NDFIP2: variants seen among roughly 807,000 people sequenced by gnomAD.
The protein encoded by NDFIP2 is Nedd4 family interacting protein 2, also known as NEDD4 family-interacting protein 2.
Under a neutral mutation model 36.0 loss-of-function variants are expected in NDFIP2, and 19 were observed. That is an observed-to-expected ratio of 0.53 (90% confidence interval 0.37 to 0.77). The LOEUF (loss-of-function observed/expected upper bound fraction) is 0.77. NDFIP2 is among the 30% of genes least tolerant of loss of function. NDFIP2 has a pLI of 0.00. For synonymous variants in NDFIP2, 181 were observed against 167.7 expected (o/e 1.08, Z -0.61); for missense variants, 446 against 435.8 (o/e 1.02, Z -0.21).
chr13:79,489,178 T>C (rs1566653199), intron 1 of NDFIP2, among the ~76,000 whole-genome samples: 2 of 152,180 alleles, frequency 1.3e-5, no homozygotes, highest in African/African-American at 2.4e-5. Context: ...CTCCACATAG[T>C]GTTAGCTAGG....
intron 1 of NDFIP2, among the ~76,000 whole-genome samples, chr13:79,482,865 AAGCG>A (rs2079823521): frequency 1.3e-5 from 2 of 152,206 alleles, no homozygotes; most frequent in Non-Finnish European, 2.9e-5. Flanking sequence ...CCAGTATGGA[AAGCG>A]TTTTTCAAGT....
chr13:79,545,340 A>T (rs938783748), intron 5 of NDFIP2, among the ~76,000 whole-genome samples: 9 of 152,194 alleles, frequency 5.9e-5, no homozygotes, highest in African/African-American at 2.2e-4. Context: ...TTGAGAAGGG[A>T]TTAGATTATC....
rs1875545116 is a variant in NDFIP2, at chr13:79,543,628, T to C, written c.786T>C (p.Tyr262=). 6.2e-7 allele frequency: 1 copy of C among 1,614,070 alleles called. No individual in the cohort carries two copies. Among genetic ancestry groups the C allele is most frequent in the South Asian group, 1.1e-5 (1 of 91,078 alleles). ...TCACCAATACCATAGCTGGAAGGTA[T>C]GGTGCTATCTGCGGATTTGGCCTTT... The part of the protein sequence containing the change: ...FCITNTIAGR[Y]GAICGFGLSL... Residue 262 remains tyrosine, a synonymous_variant, in exon 5 of 8, where the codon TAT becomes TAC. Coordinates refer to ENST00000218652, the MANE Select transcript of NDFIP2 (RefSeq NM_019080.3).
intron 2 of NDFIP2, among the ~76,000 whole-genome samples, chr13:79,521,932 C>G (rs1874601297): frequency 6.7e-6 from 1 of 150,116 alleles, no homozygotes; most frequent in South Asian, 2.1e-4. Flanking sequence ...TCACGCCATT[C>G]TCCTGCCTCA....
At chr13:79,509,146 C>CCAGGA (rs1873978954) in intron 1 of NDFIP2, among the ~76,000 whole-genome samples, 1 of 152,072 alleles carries the variant, frequency 6.6e-6, no homozygotes, top group Admixed American at 6.5e-5. Context: ...AGTGACACAG[C>CCAGGA]CTCAGGAGGT....
chr13:79,547,550 T>C (rs1004926436), intron 5 of NDFIP2, among the ~76,000 whole-genome samples: 10 of 152,268 alleles, frequency 6.6e-5, no homozygotes, highest in Admixed American at 2.0e-4. Context: ...ATTGATTTTT[T>C]AAAAAACCTT....
At chr13:79,522,720 C>G (rs1419687269) in intron 2 of NDFIP2, among the ~76,000 whole-genome samples, 1 of 152,164 alleles carries the variant, frequency 6.6e-6, no homozygotes, top group Non-Finnish European at 1.5e-5. Flanking sequence ...TATGTGGCTT[C>G]TTATTGTGGC....
rs1324001694 is a variant in NDFIP2, at chr13:79,555,663, T to C, written c.*3150T>C. On this transcript the variant is annotated 3_prime_UTR_variant, in exon 8 of 8. Coordinates refer to ENST00000218652, the MANE Select transcript of NDFIP2 (RefSeq NM_019080.3). The stretch of plus-strand genomic sequence containing the variant: ...TTATATTTTTAACTGCTGTTAAATG[T>C]TATTTTAGCATTTATTAGTTGTTTA... The C allele has an allele frequency of 6.6e-6, 1 of 152,120 alleles. No homozygotes were observed. Among genetic ancestry groups the C allele is most frequent in the Non-Finnish European group, 1.5e-5 (1 of 67,992 alleles). 9.4% of individuals were successfully genotyped at this position (152,120 alleles called of 1,614,324 possible).
At chr13:79,508,346 C>T (rs991531876) in intron 1 of NDFIP2, among the ~76,000 whole-genome samples, 6 of 152,072 alleles carry the variant, frequency 3.9e-5, no homozygotes, top group African/African-American at 1.4e-4. Context: ...TCTTAGATCT[C>T]GTGCAAGAAA....
chr13:79,489,040 A>G (rs1248729883), intron 1 of NDFIP2, among the ~76,000 whole-genome samples: 2 of 152,194 alleles, frequency 1.3e-5, no homozygotes, highest in African/African-American at 4.8e-5. Flanking sequence ...CCCAGCTGTG[A>G]TGGAGCTGGT....
intron 7 of NDFIP2, 59 bp downstream of exon 7, chr13:79,551,181 A>T: frequency 1.9e-6 from 2 of 1,027,496 alleles, no homozygotes; most frequent in East Asian, 2.6e-5. Context: ...AATTTGCCAG[A>T]TACATATTAA....
intron 3 of NDFIP2, among the ~76,000 whole-genome samples, chr13:79,538,284 C>T (rs2137107456): frequency 6.6e-6 from 1 of 152,232 alleles, no homozygotes; most frequent in Non-Finnish European, 1.5e-5. Flanking sequence ...CCTGGCCTCT[C>T]CCAGATCTCA....
intron 3 of NDFIP2, among the ~76,000 whole-genome samples, chr13:79,533,852 T>G (rs964505442): frequency 3.3e-5 from 5 of 152,046 alleles, no homozygotes; most frequent in African/African-American, 1.2e-4. Context: ...TATACTCAAA[T>G]TTTCTACCGC....
intron 4 of NDFIP2, among the ~76,000 whole-genome samples, chr13:79,542,505 G>GTTTT (rs1454824183): frequency 0.027 from 3,976 of 148,754 alleles, 209 homozygotes; most frequent in African/African-American, 0.096. Context: ...GTGTTGTTCT[G>GTTTT]TTTTTTGTTT....
chr13:79,491,052 GT>G (rs1873206242), intron 1 of NDFIP2, among the ~76,000 whole-genome samples: 1 of 152,070 alleles, frequency 6.6e-6, no homozygotes, highest in South Asian at 2.1e-4. Flanking sequence ...TTTCCTGTTT[GT>G]TTTTATCCAG....
intron 3 of NDFIP2, among the ~76,000 whole-genome samples, chr13:79,535,259 G>C (rs921516916): frequency 6.6e-6 from 1 of 152,120 alleles, no homozygotes; most frequent in Non-Finnish European, 1.5e-5. Context: ...GAGACCTTAA[G>C]AAGTATTATG....
chr13:79,520,197 C>T (rs1385487775), intron 1 of NDFIP2, among the ~76,000 whole-genome samples: 1 of 152,202 alleles, frequency 6.6e-6, no homozygotes, highest in Non-Finnish European at 1.5e-5. Flanking sequence ...ATTAATTCAG[C>T]TTTCATTTCT....
intron 1 of NDFIP2, among the ~76,000 whole-genome samples, chr13:79,501,879 G>T (rs150632991): frequency 6.6e-6 from 1 of 152,080 alleles, no homozygotes. Flanking sequence ...GTCGTTACTG[G>T]TTTCAGCTCT....
At chr13:79,519,664 A>G (rs1874486913) in intron 1 of NDFIP2, among the ~76,000 whole-genome samples, 1 of 152,228 alleles carries the variant, frequency 6.6e-6, no homozygotes, top group African/African-American at 2.4e-5. Context: ...GTGGAGATTC[A>G]GTTAAGTAAT....
Sources: allele counts gnomAD v4.1 joint callset (sites outside exome capture counted in the v4.1 genomes callset), GRCh38; gene constraint gnomAD v4.1.1; transcripts MANE v1.5; gene names NCBI Gene and HGNC (gene_info 2026-07-23, HGNC 2026-07-21).